Variants in MPP2 observed in about 807,000 individuals in gnomAD.
The protein encoded by MPP2 is MAGUK p55 scaffold protein 2.
MPP2 carries 42 observed loss-of-function variants against 58.5 expected under a neutral mutation model. That is an observed-to-expected ratio of 0.72 (90% confidence interval 0.56 to 0.93). MPP2 has a LOEUF of 0.93. Among genes scored for constraint, MPP2 ranks in the 40% least tolerant of loss-of-function variants. MPP2 has a pLI of 0.00. For synonymous variants in MPP2, 300 were observed against 307.8 expected (o/e 0.97, Z 0.26); for missense variants, 632 against 760.4 (o/e 0.83, Z 1.99).
intron 6 of MPP2, 86 bp from the exon 7 acceptor site, chr17:43,881,675 A>G (rs1567878913): frequency 1.9e-5 from 28 of 1,513,172 alleles, no homozygotes; most frequent in Non-Finnish European, 2.3e-5. Context: ...CTCTTTTCAC[A>G]GAGACTAAGG....
intron 5 of MPP2, 76 bp downstream of exon 5, chr17:43,882,827 T>G: frequency 6.3e-7 from 1 of 1,594,790 alleles, no homozygotes; most frequent in Non-Finnish European, 8.5e-7. Flanking sequence ...ACACTTGGCC[T>G]TTTTTGTCCG....
chr17:43,894,314 G>A (rs1427381093), intron 3 of MPP2, among the ~76,000 whole-genome samples: 2 of 151,246 alleles, frequency 1.3e-5, no homozygotes, highest in African/African-American at 2.4e-5. Context: ...CTACTTGGGA[G>A]GCTAAGGCAG....
At position 43,907,463 on chromosome 17, in the gene MPP2, G is replaced by C. The variant is rs912160366; in HGVS notation, c.-34+11C>G. The C allele has an allele frequency of 5.1e-6, 5 of 985,464 alleles. No homozygotes were observed. In the African/African-American group the frequency reaches 7.0e-5, roughly 14 times the overall value. 61.0% of individuals were successfully genotyped at this position (985,464 alleles called of 1,614,324 possible). Reference sequence around the variant, plus strand: ...GGATAGGAGCTGGCCCGGGGGCCGGGGGACGCCTACCTGCGCCCCGGGAAG... The same window carrying C: ...GGATAGGAGCTGGCCCGGGGGCCGGCGGACGCCTACCTGCGCCCCGGGAAG... On this transcript the variant is annotated intron_variant, in intron 1 of 12. Coordinates refer to ENST00000269095, the MANE Select transcript of MPP2 (RefSeq NM_005374.5).
chr17:43,884,673 T>G (rs898756844), intron 3 of MPP2, among the ~76,000 whole-genome samples: 2 of 152,266 alleles, frequency 1.3e-5, no homozygotes, highest in African/African-American at 2.4e-5. Context: ...ACTTTGAGAC[T>G]ATGTGACTAT....
At chr17:43,896,135 G>A (rs1270706874) in intron 3 of MPP2, among the ~76,000 whole-genome samples, 2 of 151,998 alleles carry the variant, frequency 1.3e-5, no homozygotes, top group Admixed American at 6.6e-5. Flanking sequence ...CCCACCACCT[G>A]GCTATACCTT....
At chr17:43,900,624 T>C in intron 2 of MPP2, 6 of 1,461,262 alleles carry the variant, frequency 4.1e-6, no homozygotes, top group African/African-American at 1.4e-5. Context: ...AGCCAAAGCC[T>C]GGCCGGGCTG....
intron 3 of MPP2, among the ~76,000 whole-genome samples, chr17:43,890,422 C>T (rs1310690280): frequency 6.6e-6 from 1 of 152,124 alleles, no homozygotes; most frequent in Non-Finnish European, 1.5e-5. Flanking sequence ...ATAGTGGCAC[C>T]AGCCTGCACT....
At position 43,876,161 on chromosome 17, in the gene MPP2, A is replaced by G. The variant is rs187547283; in HGVS notation, c.*1646T>C. ...CCTAGTATAAGAAATATATTCTAAC[A>G]TTTGTAATAAATATTCTGTTTATTC... On this transcript the variant is annotated 3_prime_UTR_variant, in exon 13 of 13. Transcript: ENST00000269095. 1 of 152,752 alleles carries G rather than the reference A, an allele frequency of 6.5e-6. No individual in the cohort carries two copies. Among genetic ancestry groups the G allele is most frequent in the East Asian group, 1.9e-4 (1 of 5,190 alleles). 9.5% of individuals were successfully genotyped at this position (152,752 alleles called of 1,614,324 possible).
At chr17:43,882,131 G>A (rs867981302) in intron 6 of MPP2, among the ~76,000 whole-genome samples, 153 bp downstream of exon 6, 1 of 152,204 alleles carries the variant, frequency 6.6e-6, no homozygotes, top group Admixed American at 6.5e-5. Flanking sequence ...GAGGCCTGTC[G>A]GCGGCTGCGG....
In MPP2 at chr17:43,875,957, A is replaced by G. The variant is rs562390050; in HGVS notation, c.*1850T>C. 7.9e-5 allele frequency: 12 copies of G among 152,022 alleles called. No individual in the cohort carries two copies. The highest frequency in any genetic ancestry group is 2.7e-4 in the African/African-American group (11 of 41,452). The allele number at this position is 152,022 out of a possible 1,614,324, so 9.4% of individuals were successfully genotyped here. On this transcript the variant is annotated 3_prime_UTR_variant, in exon 13 of 13. Coordinates refer to ENST00000269095, the MANE Select transcript of MPP2 (RefSeq NM_005374.5). ...CAAGAAAACACCCCATTTCCTTCCC[A>G]CTCCCTTAGGCTGAGGGTGATGCAA...
At chr17:43,898,219 C>T in intron 3 of MPP2, 43 bp downstream of exon 3, 1 of 1,480,662 alleles carries the variant, frequency 6.8e-7, no homozygotes, top group Non-Finnish European at 9.4e-7. Flanking sequence ...CTGTGCCTCC[C>T]CAAGCACAGT....
upstream of MPP2, among the ~76,000 whole-genome samples, chr17:43,908,552 T>C (rs2048369627): frequency 6.6e-6 from 1 of 152,020 alleles, no homozygotes; most frequent in South Asian, 2.1e-4. Context: ...CCAAGCAACA[T>C]AGTGAAACCC....
chr17:43,895,583 T>C (rs1228054733), intron 3 of MPP2, among the ~76,000 whole-genome samples: 5 of 152,234 alleles, frequency 3.3e-5, no homozygotes, highest in Admixed American at 3.3e-4. Context: ...TTGTAGGCTC[T>C]GGGGATACTG....
intron 3 of MPP2, among the ~76,000 whole-genome samples, chr17:43,886,425 A>G (rs972895611): frequency 6.6e-6 from 1 of 151,994 alleles, no homozygotes; most frequent in African/African-American, 2.4e-5. Flanking sequence ...TATTATTTTA[A>G]TTACTGCATT....
At chr17:43,882,189 A>G in intron 6 of MPP2, 95 bp downstream of exon 6, 2 of 1,202,662 alleles carry the variant, frequency 1.7e-6, no homozygotes, top group African/African-American at 3.0e-5. Flanking sequence ...CCCTGGAGGA[A>G]ACCAGTAGGA....
rs1396655511 is a variant in MPP2, at chr17:43,880,110, G to T, written c.1151-126C>A. 1 of 835,910 alleles carries T rather than the reference G, an allele frequency of 1.2e-6. No homozygotes were observed. Among genetic ancestry groups the T allele is most frequent in the Non-Finnish European group, 1.9e-6 (1 of 525,706 alleles). The allele number at this position is 835,910 out of a possible 1,614,324, so 51.8% of individuals were successfully genotyped here. On this transcript the variant is annotated intron_variant, in intron 10 of 12. Coordinates refer to ENST00000269095, the MANE Select transcript of MPP2 (RefSeq NM_005374.5). This position sits in a 1 kb window ranked among gnomAD's most constrained non-coding sequence, Gnocchi z 5.2. The stretch of plus-strand genomic sequence containing the variant: ...GGAGGTGCAGTCTGCTCCCCATCTT[G>T]CCAGCACTGCTGCCTTTGCACACAC...
rs1567873300 is a variant in MPP2, at chr17:43,879,440, C to T, written c.1354-37G>A. The T allele has an allele frequency of 1.9e-6, 3 of 1,610,340 alleles. No homozygotes were observed. Among genetic ancestry groups the T allele is most frequent in the Non-Finnish European group, 1.7e-6 (2 of 1,177,388 alleles). The stretch of plus-strand genomic sequence containing the variant: ...GAAGGCAAGGTAGGGAGTATATCCC[C>T]ATGTCTGTCCTAGGAACCAGAGAAA... On this transcript the variant is annotated intron_variant, in intron 11 of 12. Coordinates refer to ENST00000269095, the MANE Select transcript of MPP2 (RefSeq NM_005374.5). This position sits in a 1 kb window ranked among gnomAD's most constrained non-coding sequence, Gnocchi z 4.1.
In MPP2 at chr17:43,882,301, G is replaced by T; in HGVS notation, c.664C>A (p.Pro222Thr). Residue 222 changes from proline (P) to threonine (T), a missense_variant, in exon 6 of 13, where the codon CCC becomes ACC. Pro to Thr is a conservative substitution (Grantham distance 38, BLOSUM62 -1). Transcript: ENST00000269095. ...ILKILPSYQE[P>T]HLPRQVFVKC... ...GGGCCCACCTGGCGGGGCAGATGGG[G>T]CTCCTGGTAGCTGGGCAGGATCTTG... 1 of 1,611,080 alleles carries T rather than the reference G, an allele frequency of 6.2e-7. No homozygotes were observed.
chr17:43,905,134 G>A (rs918580234), intron 1 of MPP2, among the ~76,000 whole-genome samples: 1 of 151,744 alleles, frequency 6.6e-6, no homozygotes, highest in African/African-American at 2.4e-5. Context: ...CCATGATTGC[G>A]CCACTGCACT....
Sources: gnomAD v4.1 joint callset for allele counts (sites outside exome capture counted in the v4.1 genomes callset) on GRCh38, gnomAD v4.1.1 for gene constraint, Gnocchi (gnomAD v3.1) non-coding constraint, MANE v1.5 for transcripts, NCBI Gene and HGNC (gene_info 2026-07-23, HGNC 2026-07-21) for gene names.